The following PPP2R2B variants were observed in gnomAD, a reference collection of about 807,000 sequenced individuals.
PPP2R2B encodes protein phosphatase 2 regulatory subunit Bbeta, also known as serine/threonine-protein phosphatase 2A 55 kDa regulatory subunit B beta isoform.
A neutral mutation model predicts 46.0 loss-of-function variants in PPP2R2B; 5 were observed. That is an observed-to-expected ratio of 0.11 (90% CI 0.06 to 0.23). The LOEUF (loss-of-function observed/expected upper bound fraction) is 0.23. Among genes scored for constraint, PPP2R2B ranks in the 10% least tolerant of loss-of-function variants. The pLI, the probability that PPP2R2B is intolerant of heterozygous loss-of-function variation, is 1.00. For missense variants in PPP2R2B, 367 were observed against 575.0 expected (o/e 0.64, Z 3.70); for synonymous variants, 215 against 206.7 (o/e 1.04, Z -0.34).
rs565348995 is a variant in PPP2R2B, at chr5:146,787,563, T to A, written c.71-86421A>T. Among the ~76,000 whole-genome samples, 439 of 151,974 alleles carry A rather than the reference T, an allele frequency of 2.9e-3. 4 individuals are homozygous for A. Among genetic ancestry groups the A allele is most frequent in the African/African-American group, 9.5e-3 (392 of 41,454 alleles). On this transcript the variant is annotated intron_variant, in intron 2 of 9. Coordinates refer to ENST00000394411, the MANE Select transcript of PPP2R2B (RefSeq NM_181675.4). The stretch of plus-strand genomic sequence containing the variant: ...CCTCTCGCCTCTCCCCTCTCCCTTC[T>A]CTCTTGTCTTCTCTTTCTTCTTGAG...
chr5:146,920,705 C>G (rs1582430004), intron 1 of PPP2R2B, among the ~76,000 whole-genome samples: 1 of 152,268 alleles, frequency 6.6e-6, no homozygotes, highest in East Asian at 1.9e-4. Flanking sequence ...CAGAATGAAG[C>G]TCCTGCCAAC....
At chr5:146,610,135 C>T (rs1275114920) in intron 7 of PPP2R2B, among the ~76,000 whole-genome samples, 5 of 49,210 alleles carry the variant, frequency 1.0e-4, no homozygotes, top group Admixed American at 7.3e-4. Flanking sequence ...TCTCCCAGCA[C>T]GCAGCTGGAG....
intron 2 of PPP2R2B, among the ~76,000 whole-genome samples, chr5:146,749,636 G>T (rs1753422634): frequency 7.4e-6 from 1 of 135,960 alleles, no homozygotes; most frequent in Admixed American, 7.9e-5. Flanking sequence ...TCGAGATGGA[G>T]TCTCAGTCTG....
intron 2 of PPP2R2B, among the ~76,000 whole-genome samples, chr5:146,780,502 C>A (rs1229263815): frequency 4.6e-5 from 7 of 152,140 alleles, no homozygotes; most frequent in Admixed American, 1.3e-4. Flanking sequence ...GCAAAAATGA[C>A]TCCCTCAACT....
At chr5:146,596,870 A>G (rs1159920001) in intron 8 of PPP2R2B, among the ~76,000 whole-genome samples, 4 of 152,102 alleles carry the variant, frequency 2.6e-5, no homozygotes, top group African/African-American at 9.7e-5. Context: ...TGGCTCCCAA[A>G]CCTTTCTCCA....
intron 1 of PPP2R2B, among the ~76,000 whole-genome samples, chr5:146,905,564 T>C (rs559322296): frequency 1.8e-4 from 28 of 152,274 alleles, no homozygotes; most frequent in South Asian, 1.0e-3. Flanking sequence ...CTGAATGTTC[T>C]TAACAGCTTT....
At chr5:146,592,262 G>A (rs1295094017) in intron 9 of PPP2R2B, 2 of 337,140 alleles carry the variant, frequency 5.9e-6, no homozygotes, top group Non-Finnish European at 1.2e-5. Flanking sequence ...GTGTGAGAGA[G>A]AGACAGTTCA....
At chr5:146,794,480 T>G (rs1756399016) in intron 2 of PPP2R2B, among the ~76,000 whole-genome samples, 1 of 152,216 alleles carries the variant, frequency 6.6e-6, no homozygotes, top group Admixed American at 6.5e-5. Flanking sequence ...AACAAGTGAC[T>G]GTACTTACAA....
In PPP2R2B at chr5:146,583,672, G is replaced by A. The variant is rs751377572; in HGVS notation, c.*6275C>T. The A allele has an allele frequency of 7.2e-5, 11 of 152,190 alleles. No homozygotes were observed. Among genetic ancestry groups the A allele is most frequent in the Non-Finnish European group, 1.5e-4 (10 of 68,046 alleles). 9.4% of individuals were successfully genotyped at this position (152,190 alleles called of 1,614,324 possible). Reference sequence around the variant, plus strand: ...CACCCTGGCATGGGCTTGGCAGGCAGTACATGAACAATCATTAACCATTTA... The same window carrying A: ...CACCCTGGCATGGGCTTGGCAGGCAATACATGAACAATCATTAACCATTTA... On this transcript the variant is annotated 3_prime_UTR_variant, in exon 10 of 10. Transcript: ENST00000394411.
intron 1 of PPP2R2B, among the ~76,000 whole-genome samples, chr5:146,952,352 A>G (rs528368298): frequency 7.9e-5 from 12 of 152,092 alleles, no homozygotes; most frequent in Non-Finnish European, 1.5e-4. Context: ...CTGCTGGGGC[A>G]CCTCTTTTCC....
intron 1 of PPP2R2B, among the ~76,000 whole-genome samples, chr5:146,889,650 G>A (rs1485833994): frequency 6.6e-6 from 1 of 152,018 alleles, no homozygotes; most frequent in East Asian, 1.9e-4. Flanking sequence ...CTCTTTCTTT[G>A]GTTTATTTTA....
chr5:146,839,707 G>C (rs1171399647), intron 2 of PPP2R2B, among the ~76,000 whole-genome samples: 4 of 152,198 alleles, frequency 2.6e-5, no homozygotes. Flanking sequence ...TGGAGAGTCA[G>C]CTTTACATTA....
intron 2 of PPP2R2B, among the ~76,000 whole-genome samples, chr5:146,722,677 C>T (rs1206842241): frequency 6.6e-6 from 1 of 152,114 alleles, no homozygotes; most frequent in Non-Finnish European, 1.5e-5. Flanking sequence ...GGGTTGCCCA[C>T]AGTATAAACA....
At position 146,831,982 on chromosome 5, in the gene PPP2R2B, T is replaced by C. The variant is rs1184309947; in HGVS notation, c.70+46020A>G. ...CTGTGTAGGCCTAAGGTAACATGTG[T>C]TCTTTTGTTTCTTAAGGTTTAACAA... On this transcript the variant is annotated intron_variant, in intron 2 of 9. Coordinates refer to ENST00000394411, the MANE Select transcript of PPP2R2B (RefSeq NM_181675.4). Among the ~76,000 whole-genome samples the C allele has an allele frequency of 2.0e-5, 3 of 152,200 alleles. No individual in the cohort carries two copies. In the East Asian group the frequency reaches 5.8e-4, roughly 29 times the overall value.
At chr5:146,745,063 C>T (rs1420017378) in intron 2 of PPP2R2B, among the ~76,000 whole-genome samples, 2 of 151,910 alleles carry the variant, frequency 1.3e-5, no homozygotes, top group East Asian at 3.9e-4. Flanking sequence ...TTGCTCAAAG[C>T]TGGGCACTGT....
intron 1 of PPP2R2B, among the ~76,000 whole-genome samples, chr5:146,981,269 T>A (rs909798255): frequency 2.6e-5 from 4 of 152,168 alleles, no homozygotes; most frequent in African/African-American, 9.6e-5. Flanking sequence ...AATCCCTCTT[T>A]TAGGGAGAGT....
intron 2 of PPP2R2B, among the ~76,000 whole-genome samples, chr5:146,850,358 C>T (rs544869184): frequency 2.2e-4 from 33 of 152,238 alleles, no homozygotes; most frequent in African/African-American, 7.7e-4. Context: ...GGTCACTTTC[C>T]CCAATCTTCC....
intron 2 of PPP2R2B, among the ~76,000 whole-genome samples, chr5:146,873,988 AT>A (rs1330534676): frequency 6.6e-6 from 1 of 152,076 alleles, no homozygotes; most frequent in Non-Finnish European, 1.5e-5. Flanking sequence ...TTTTGTACCT[AT>A]TGTCCCTTCT....
intron 7 of PPP2R2B, chr5:146,607,841 A>C (rs1212793316): frequency 3.3e-5 from 5 of 152,198 alleles, no homozygotes; most frequent in Admixed American, 3.3e-4. Flanking sequence ...TTAGACTTTG[A>C]GGGCCATCTG....
Sources: allele counts gnomAD v4.1 joint callset (sites outside exome capture counted in the v4.1 genomes callset), GRCh38; gene constraint gnomAD v4.1.1; transcripts MANE v1.5; gene names NCBI Gene and HGNC (gene_info 2026-07-23, HGNC 2026-07-21).